Variants in STAB2 observed in about 807,000 individuals in gnomAD.
STAB2 encodes the protein stabilin 2, also known as stabilin-2.
Under a neutral mutation model 338.1 loss-of-function variants are expected in STAB2, and 288 were observed. The ratio of observed to expected loss-of-function variants is 0.85; its 90% CI spans 0.77 to 0.94. STAB2 has a LOEUF of 0.94. STAB2 is among the 40% of genes least tolerant of loss of function. The pLI is 0.00. For missense variants in STAB2, 3,141 were observed against 3,210.1 expected (o/e 0.98, Z 0.52); for synonymous variants, 1,202 against 1,193.3 (o/e 1.01, Z -0.15).
At chr12:103,598,542 G>A (rs991533107) in intron 3 of STAB2, among the ~76,000 whole-genome samples, 1 of 152,150 alleles carries the variant, frequency 6.6e-6, no homozygotes, top group Non-Finnish European at 1.5e-5. Context: ...TGTCTTTCAA[G>A]CATCATTGCT....
intron 23 of STAB2, 70 bp downstream of exon 23, chr12:103,674,157 G>A (rs1482878666): frequency 9.2e-6 from 14 of 1,527,460 alleles, no homozygotes; most frequent in Middle Eastern, 1.8e-4. Flanking sequence ...ACTTAATGAC[G>A]CTGTGTTACC....
intron 47 of STAB2, 46 bp downstream of exon 47, chr12:103,727,396 C>T: frequency 6.2e-7 from 1 of 1,602,168 alleles, no homozygotes; most frequent in South Asian, 1.1e-5. Flanking sequence ...GCGGCTGGAA[C>T]ATAGTCCTTG....
chr12:103,760,993 A>G (rs1884492801), intron 65 of STAB2, among the ~76,000 whole-genome samples: 1 of 67,516 alleles, frequency 1.5e-5, no homozygotes, highest in African/African-American at 7.6e-5. Flanking sequence ...GTCCACAGGC[A>G]TGGGGTTTGC....
chr12:103,647,075 T>C (rs777388436), intron 9 of STAB2, among the ~76,000 whole-genome samples: 36 of 152,338 alleles, frequency 2.4e-4, no homozygotes, highest in African/African-American at 5.5e-4. Context: ...GATTCTCCTG[T>C]GTACACTTTC....
chr12:103,759,192 T>A lies in STAB2; in HGVS notation c.7167T>A (p.Asn2389Lys). ...HLANVSMFFYNDLVNGTTLQT... is the reference protein window; with the variant it reads ...HLANVSMFFYKDLVNGTTLQT... ...CCAATGTCAGCATGTTTTTCTACAA[T>A]GACCTTGTCAATGGCACCACCCTGC... The change falls in exon 65 of 69, where the codon AAT becomes AAA. Residue 2389 changes from asparagine to lysine, a missense_variant. Transcript: ENST00000388887. The A allele has an allele frequency of 6.8e-6, 11 of 1,614,182 alleles. No homozygotes were observed. Among genetic ancestry groups the A allele is most frequent in the Non-Finnish European group, 9.3e-6 (11 of 1,180,024 alleles).
At chr12:103,678,443 G>T (rs527637162) in intron 25 of STAB2, among the ~76,000 whole-genome samples, 87 of 152,332 alleles carry the variant, frequency 5.7e-4, no homozygotes, top group African/African-American at 1.9e-3. Flanking sequence ...GCCAGAGCTT[G>T]TAGTGGAACT....
chr12:103,653,164 C>G (rs1194635779), intron 12 of STAB2, among the ~76,000 whole-genome samples: 1 of 152,070 alleles, frequency 6.6e-6, no homozygotes, highest in Admixed American at 6.6e-5. Context: ...TTTATATAAA[C>G]CCATCCTCCC....
At position 103,733,041 on chromosome 12, in the gene STAB2, C is replaced by G. The variant is rs146591807; in HGVS notation, c.5319C>G (p.Ile1773Met). The change falls in exon 51 of 69, where the codon ATC (isoleucine) becomes ATG (methionine). Residue 1773 changes from isoleucine (I) to methionine (M), a missense_variant. Coordinates refer to ENST00000388887, the MANE Select transcript of STAB2 (RefSeq NM_017564.10). ...SGLLSVITDP[I>M]HTPVTLFWPT... ...TGCTGAGTGTCATCACCGATCCCAT[C>G]CACACCCCAGTCACTCTCTTCTGGC... is the stretch of plus-strand genomic sequence containing the variant. 8 of 1,613,982 alleles carry G rather than the reference C, an allele frequency of 5.0e-6. No individual in the cohort carries two copies. Among genetic ancestry groups the G allele is most frequent in the Non-Finnish European group, 5.9e-6 (7 of 1,180,000 alleles).
chr12:103,697,218 A>G (rs950491486), intron 33 of STAB2, among the ~76,000 whole-genome samples: 4 of 152,118 alleles, frequency 2.6e-5, no homozygotes, highest in Non-Finnish European at 5.9e-5. Context: ...TGTATCCCCA[A>G]TAGGATGAAC....
In STAB2 at chr12:103,587,415, A is replaced by C. The variant is rs1264603701; in HGVS notation, c.-62A>C. The stretch of plus-strand genomic sequence containing the variant: ...AATTCACTGGGAGTTTATCAAACTA[A>C]GTTAAAATAGCTAAGTCAGCCTGAC... On this transcript the variant is annotated 5_prime_UTR_variant, in exon 1 of 69. Transcript: ENST00000388887. 1 of 1,345,484 alleles carries C rather than the reference A, an allele frequency of 7.4e-7. No homozygotes were observed. The allele number at this position is 1,345,484 out of a possible 1,614,324, so 83.3% of individuals were successfully genotyped here.
intron 3 of STAB2, among the ~76,000 whole-genome samples, chr12:103,618,008 A>G (rs774115803): frequency 2.6e-5 from 4 of 152,360 alleles, no homozygotes; most frequent in Non-Finnish European, 5.9e-5. Flanking sequence ...TAGTACCTGC[A>G]TGTTATGAAT....
chr12:103,706,932 C>A lies in STAB2; in HGVS notation c.4137C>A (p.Ser1379Arg). ...TGTGTGAGTGTGGGGAGGGCTTCAGCGGCACAGCCTGCGAGACCTGCACCG... is the reference window on the plus strand; with the variant it reads ...TGTGTGAGTGTGGGGAGGGCTTCAGAGGCACAGCCTGCGAGACCTGCACCG... Reference protein sequence around the residue: ...TGVCECGEGFSGTACETCTEG... With the variant: ...TGVCECGEGFRGTACETCTEG... Residue 1379 changes from serine (S) to arginine (R), a missense_variant, in exon 38 of 69, where the codon AGC (serine) becomes AGA (arginine). Transcript: ENST00000388887. 6.2e-7 allele frequency: 1 copy of A among 1,614,134 alleles called. No individual in the cohort carries two copies. The highest frequency in any genetic ancestry group is 2.2e-5 in the East Asian group (1 of 44,890).
intron 3 of STAB2, among the ~76,000 whole-genome samples, chr12:103,596,745 C>T (rs117262742): frequency 1.6e-4 from 25 of 152,146 alleles, no homozygotes; most frequent in African/African-American, 4.8e-4. Flanking sequence ...TTTATGCCAT[C>T]ACACTGTGCT....
At chr12:103,657,213 AC>A (rs1565989785) in intron 15 of STAB2, among the ~76,000 whole-genome samples, 2 of 135,664 alleles carry the variant, frequency 1.5e-5, no homozygotes, top group East Asian at 4.1e-4. Context: ...TCACATTCAT[AC>A]TTAAAGTGAG....
At chr12:103,604,018 T>C (rs935590917) in intron 3 of STAB2, among the ~76,000 whole-genome samples, 17 of 152,180 alleles carry the variant, frequency 1.1e-4, no homozygotes, top group Non-Finnish European at 1.5e-5. Flanking sequence ...TAATTGTTCA[T>C]TGCTAGTTTA....
At chr12:103,669,818 G>A (rs917420880) in intron 21 of STAB2, among the ~76,000 whole-genome samples, 191 bp downstream of exon 21, 5 of 152,302 alleles carry the variant, frequency 3.3e-5, no homozygotes, top group Admixed American at 1.3e-4. Flanking sequence ...GAGAGATTCC[G>A]GTAATGTTGC....
chr12:103,710,924 A>G (rs1306620144), intron 39 of STAB2, among the ~76,000 whole-genome samples: 1 of 152,174 alleles, frequency 6.6e-6, no homozygotes, highest in Non-Finnish European at 1.5e-5. Flanking sequence ...GCAATAACCT[A>G]TGCTGTGTCC....
intron 65 of STAB2, among the ~76,000 whole-genome samples, chr12:103,760,254 T>G (rs929993592): frequency 6.6e-6 from 1 of 152,178 alleles, no homozygotes; most frequent in East Asian, 1.9e-4. Context: ...CAATGGTGTG[T>G]GGGGGGTGGT....
chr12:103,721,852 A>G (rs188134714), intron 44 of STAB2, among the ~76,000 whole-genome samples: 64 of 152,352 alleles, frequency 4.2e-4, no homozygotes, highest in Admixed American at 3.7e-3. Flanking sequence ...GAGATAACCA[A>G]TAAGACCTGC....
Sources: gnomAD v4.1 joint callset for allele counts (sites outside exome capture counted in the v4.1 genomes callset) on GRCh38, gnomAD v4.1.1 for gene constraint, MANE v1.5 for transcripts, NCBI Gene and HGNC (gene_info 2026-07-23, HGNC 2026-07-21) for gene names.